The following BTRC variants were observed in gnomAD, a reference collection of about 807,000 sequenced individuals.
BTRC encodes F-box/WD repeat-containing protein 1A.
A neutral mutation model predicts 85.5 loss-of-function variants in BTRC; 42 were observed. The observed-to-expected ratio is 0.49, with a 90% CI of 0.38 to 0.64. The LOEUF is 0.64. BTRC is among the 30% of genes least tolerant of loss of function. The probability of loss-of-function intolerance (pLI) is 0.00; values close to 1 mark genes in which losing one functional copy is unlikely to be tolerated. For synonymous variants in BTRC, 255 were observed against 263.3 expected (o/e 0.97, Z 0.30); for missense variants, 594 against 743.5 (o/e 0.80, Z 2.34).
intron 3 of BTRC, among the ~76,000 whole-genome samples, chr10:101,467,578 CT>C (rs1210448216): frequency 6.6e-6 from 1 of 151,894 alleles, no homozygotes; most frequent in East Asian, 1.9e-4. Context: ...CTTGTAAATA[CT>C]TTCGTTTGGG....
chr10:101,472,717 A>T (rs1300977003), intron 3 of BTRC, among the ~76,000 whole-genome samples: 1 of 152,166 alleles, frequency 6.6e-6, no homozygotes, highest in African/African-American at 2.4e-5. Context: ...TGGGAGGCTG[A>T]GGCAGGAGAA....
At position 101,368,452 on chromosome 10, in the gene BTRC, G is replaced by A. The variant is rs59779538; in HGVS notation, c.48+14224G>A. Among the ~76,000 whole-genome samples the A allele has an allele frequency of 4.5e-3, 642 of 141,306 alleles. 5 individuals carry two copies. The highest frequency in any genetic ancestry group is 0.016 in the African/African-American group (610 of 37,792). 92.7% of individuals were successfully genotyped at this position (141,306 alleles called of 152,430 possible). A position where few individuals can be genotyped will look rare whatever the true frequency, so the allele number is the denominator to read the frequency against. On this transcript the variant is annotated intron_variant, in intron 1 of 14. Coordinates refer to ENST00000370187, the MANE Select transcript of BTRC (RefSeq NM_033637.4). ...ACTAAGACACTTTAGTAGAACCTAT[G>A]CAACTGTTTTTCTTTTTTTTTTTTT...
intron 7 of BTRC, among the ~76,000 whole-genome samples, chr10:101,531,647 G>A (rs2062282638): frequency 6.6e-6 from 1 of 152,062 alleles, no homozygotes; most frequent in Admixed American, 6.6e-5. Flanking sequence ...CTTGAACCTG[G>A]GAGGCACATG....
At chr10:101,364,517 G>A (rs554714259) in intron 1 of BTRC, among the ~76,000 whole-genome samples, 2 of 152,050 alleles carry the variant, frequency 1.3e-5, no homozygotes, top group African/African-American at 2.4e-5. Context: ...CCATCTCTTC[G>A]CTGCACCTAA....
Position 101,553,398 on chromosome 10 carries a change from CT to C in BTRC, c.*276del, listed in dbSNP as rs1157857476. The C allele has an allele frequency of 6.5e-6, 1 of 152,672 alleles. No homozygotes were observed. Among genetic ancestry groups the C allele is most frequent in the Non-Finnish European group, 1.5e-5 (1 of 68,074 alleles). 9.5% of individuals were successfully genotyped at this position (152,672 alleles called of 1,614,324 possible). A position where few individuals can be genotyped will look rare whatever the true frequency, so the allele number is the denominator to read the frequency against. On this transcript the variant is annotated 3_prime_UTR_variant, in exon 15 of 15. Coordinates refer to ENST00000370187, the MANE Select transcript of BTRC (RefSeq NM_033637.4). ...AATGATTGGAACTTTTAAACCTCCC[CT>C]CCTCTCCTCCTTTCACCTCTGCACC...
At chr10:101,418,036 C>A (rs1307645157) in intron 1 of BTRC, among the ~76,000 whole-genome samples, 1 of 152,126 alleles carries the variant, frequency 6.6e-6, no homozygotes, top group Non-Finnish European at 1.5e-5. Flanking sequence ...TCTATTATTA[C>A]ATAACAAATT....
At chr10:101,488,899 C>CT (rs941462959) in intron 4 of BTRC, among the ~76,000 whole-genome samples, 2 of 151,966 alleles carry the variant, frequency 1.3e-5, no homozygotes, top group Non-Finnish European at 2.9e-5. Flanking sequence ...TCTCATAGGA[C>CT]TTTTTTTCAC....
chr10:101,479,478 A>G (rs772532571), intron 4 of BTRC, 21 bp downstream of exon 4: 53 of 1,580,568 alleles, frequency 3.4e-5, no homozygotes, highest in Middle Eastern at 1.7e-4. Context: ...TTGCTCATCA[A>G]TGTATATTAC....
At chr10:101,519,316 G>A (rs1413911822) in intron 4 of BTRC, among the ~76,000 whole-genome samples, 1 of 152,034 alleles carries the variant, frequency 6.6e-6, no homozygotes, top group Non-Finnish European at 1.5e-5. Context: ...CTGACCTTAG[G>A]TGATCCACCC....
chr10:101,513,221 T>G (rs1440685792), intron 4 of BTRC, among the ~76,000 whole-genome samples: 1 of 152,204 alleles, frequency 6.6e-6, no homozygotes. Flanking sequence ...CATAATACCT[T>G]AGTTACAAAT....
chr10:101,471,966 C>A (rs531544777), intron 3 of BTRC, among the ~76,000 whole-genome samples: 1 of 152,088 alleles, frequency 6.6e-6, no homozygotes, highest in African/African-American at 2.4e-5. Context: ...TTCCATGCCC[C>A]CTTTGACGTA....
At chr10:101,526,497 G>A (rs1337976503) in intron 6 of BTRC, among the ~76,000 whole-genome samples, 1 of 152,222 alleles carries the variant, frequency 6.6e-6, no homozygotes, top group Admixed American at 6.5e-5. Flanking sequence ...GGTATCCTGT[G>A]GCTGGGCACA....
chr10:101,497,862 A>G (rs991670082), intron 4 of BTRC, among the ~76,000 whole-genome samples: 1 of 151,668 alleles, frequency 6.6e-6, no homozygotes, highest in African/African-American at 2.4e-5. Flanking sequence ...TCTACGAAAA[A>G]CACAAAAATT....
chr10:101,508,938 T>TAAAAAAAAAAAAAAAAAAAAAAAA, intron 4 of BTRC, among the ~76,000 whole-genome samples: 1 of 106,484 alleles, frequency 9.4e-6, no homozygotes, highest in Non-Finnish European at 2.2e-5. Context: ...AAAAAAAAAC[T>TAAAAAAAAAAAAAAAAAAAAAAAA]AAAAGTAGAA....
intron 4 of BTRC, among the ~76,000 whole-genome samples, chr10:101,482,622 C>A (rs1457659695): frequency 3.3e-5 from 5 of 151,220 alleles, no homozygotes; most frequent in Admixed American, 3.3e-4. Context: ...GTCTTGATCT[C>A]CTGACGTCGT....
chr10:101,428,165 G>T (rs1251978729), intron 1 of BTRC, among the ~76,000 whole-genome samples: 1 of 152,124 alleles, frequency 6.6e-6, no homozygotes, highest in Non-Finnish European at 1.5e-5. Context: ...CAGGGAGAAG[G>T]AAATTATAAG....
Position 101,430,326 on chromosome 10 carries a change from A to G in BTRC, c.49-19A>G, listed in dbSNP as rs778864948. 1.3e-6 allele frequency: 2 copies of G among 1,582,134 alleles called. No individual in the cohort carries two copies. The highest frequency in any genetic ancestry group is 2.7e-5 in the African/African-American group (2 of 74,146). On this transcript the variant is annotated intron_variant, in intron 1 of 14. Transcript: ENST00000370187. ...CCTGTCTCATACTGTCCCATCTCAT[A>G]GTTGTCCTCTCTCTGCAGTGCTCTA...
At chr10:101,490,323 G>A (rs998064564) in intron 4 of BTRC, among the ~76,000 whole-genome samples, 1 of 151,478 alleles carries the variant, frequency 6.6e-6, no homozygotes, top group East Asian at 1.9e-4. Context: ...GAGGAGGAGA[G>A]AGAATACATT....
At chr10:101,551,338 A>G (rs2062646048) in intron 14 of BTRC, 1 of 153,352 alleles carries the variant, frequency 6.5e-6, no homozygotes, top group Non-Finnish European at 1.5e-5. Flanking sequence ...GTTCACACTG[A>G]CATATAAATA....
Sources: allele counts gnomAD v4.1 joint callset (sites outside exome capture counted in the v4.1 genomes callset), GRCh38; gene constraint gnomAD v4.1.1; transcripts MANE v1.5; gene names NCBI Gene and HGNC (gene_info 2026-07-23, HGNC 2026-07-21).